Variants in OSBPL1A observed in about 807,000 individuals in gnomAD.
OSBPL1A encodes oxysterol-binding protein-related protein 1.
A neutral mutation model predicts 137.1 loss-of-function variants in OSBPL1A; 80 were observed. The observed-to-expected ratio is 0.58, with a 90% CI of 0.49 to 0.70. The LOEUF (loss-of-function observed/expected upper bound fraction) is 0.70. Among genes scored for constraint, OSBPL1A ranks in the 30% least tolerant of loss-of-function variants. OSBPL1A has a pLI of 0.00. For synonymous variants in OSBPL1A, 365 were observed against 389.7 expected (o/e 0.94, Z 0.75); for missense variants, 970 against 1,129.4 (o/e 0.86, Z 2.02).
intron 16 of OSBPL1A, among the ~76,000 whole-genome samples, chr18:24,225,434 C>T (rs45561436): frequency 0.12 from 18,189 of 152,176 alleles, 2,293 homozygotes; most frequent in African/African-American, 0.32. Flanking sequence ...AAACAGATCT[C>T]ACATAGTAAA....
At chr18:24,394,062 G>A (rs1268929044) in intron 1 of OSBPL1A, among the ~76,000 whole-genome samples, 2 of 151,982 alleles carry the variant, frequency 1.3e-5, no homozygotes, top group African/African-American at 4.8e-5. Flanking sequence ...AAGTTTTTGT[G>A]CCCTAATAAA....
chr18:24,317,072 G>A, intron 11 of OSBPL1A, 77 bp downstream of exon 11: 1 of 1,413,796 alleles, frequency 7.1e-7, no homozygotes, highest in Non-Finnish European at 1.0e-6. Flanking sequence ...TTACAAGGCT[G>A]TATAAATGAT....
intron 11 of OSBPL1A, 32 bp downstream of exon 11, chr18:24,317,113 CAGTT>C: frequency 6.2e-7 from 1 of 1,607,542 alleles, no homozygotes; most frequent in Non-Finnish European, 8.5e-7. Context: ...ACTGATTTCA[CAGTT>C]AGAGGAGCAA....
intron 14 of OSBPL1A, among the ~76,000 whole-genome samples, chr18:24,302,236 G>GAAAAA (rs368812387): frequency 9.4e-6 from 1 of 106,412 alleles, no homozygotes; most frequent in African/African-American, 3.3e-5. Flanking sequence ...TCCATCTCAA[G>GAAAAA]AAAAAAAAAA....
At chr18:24,261,193 T>C (rs1390332744) in intron 15 of OSBPL1A, among the ~76,000 whole-genome samples, 3 of 152,140 alleles carry the variant, frequency 2.0e-5, no homozygotes, top group African/African-American at 7.2e-5. Context: ...CTATAAAATT[T>C]TAGAAAATTC....
intron 17 of OSBPL1A, among the ~76,000 whole-genome samples, chr18:24,203,491 C>A (rs969005544): frequency 6.6e-6 from 1 of 152,206 alleles, no homozygotes; most frequent in African/African-American, 2.4e-5. Flanking sequence ...CAAGGACACT[C>A]CCCTTCACAT....
intron 16 of OSBPL1A, among the ~76,000 whole-genome samples, chr18:24,235,065 G>A (rs1020497706): frequency 3.9e-5 from 6 of 152,130 alleles, no homozygotes; most frequent in Admixed American, 3.3e-4. Context: ...TTGAAGGTCC[G>A]TGAAGGCATC....
chr18:24,217,564 C>G (rs983360381), intron 17 of OSBPL1A, among the ~76,000 whole-genome samples: 1 of 152,100 alleles, frequency 6.6e-6, no homozygotes, highest in African/African-American at 2.4e-5. Flanking sequence ...GTCAGAAGCT[C>G]TTCTTTATAG....
intron 14 of OSBPL1A, among the ~76,000 whole-genome samples, chr18:24,288,446 T>C (rs956025638): frequency 2.6e-5 from 4 of 152,180 alleles, no homozygotes; most frequent in African/African-American, 7.2e-5. Flanking sequence ...CTGTGGAATA[T>C]TCCATGGAGG....
At chr18:24,381,556 C>G (rs1906589457) in intron 1 of OSBPL1A, among the ~76,000 whole-genome samples, 1 of 152,176 alleles carries the variant, frequency 6.6e-6, no homozygotes, top group Admixed American at 6.5e-5. Context: ...CTTCAGTTTG[C>G]TAATCAGCTT....
At chr18:24,247,409 C>T (rs2088930205) in intron 15 of OSBPL1A, among the ~76,000 whole-genome samples, 1 of 152,142 alleles carries the variant, frequency 6.6e-6, no homozygotes, top group African/African-American at 2.4e-5. Context: ...CCCTATGGGT[C>T]AAGAGAGATA....
rs190175265 is a variant in OSBPL1A at position 24,235,343 on chromosome 18, G to T, written c.1444+3877C>A. On this transcript the variant is annotated intron_variant, in intron 16 of 27. Transcript: ENST00000319481. Reference sequence around the variant, plus strand: ...ACAAATATGTATTAGTTAATTCTTTGCAATGATCCTATGACCCATTTGCAG... The same window carrying T: ...ACAAATATGTATTAGTTAATTCTTTTCAATGATCCTATGACCCATTTGCAG... Among the ~76,000 whole-genome samples, 113 of 152,284 alleles carry T rather than the reference G, an allele frequency of 7.4e-4. 2 individuals are homozygous for T. The highest frequency in any genetic ancestry group is 2.5e-3 in the African/African-American group (103 of 41,568).
At chr18:24,387,603 T>C (rs545859140) in intron 1 of OSBPL1A, among the ~76,000 whole-genome samples, 1 of 152,174 alleles carries the variant, frequency 6.6e-6, no homozygotes, top group Non-Finnish European at 1.5e-5. Flanking sequence ...TTTAAAGAGA[T>C]GGGGACTCGC....
chr18:24,232,132 T>C (rs1360202603), intron 16 of OSBPL1A, among the ~76,000 whole-genome samples: 5 of 152,198 alleles, frequency 3.3e-5, no homozygotes, highest in Non-Finnish European at 5.9e-5. Context: ...AAAATATCAG[T>C]GCCAAATTTT....
intron 5 of OSBPL1A, among the ~76,000 whole-genome samples, chr18:24,338,239 A>ATT (rs71375134): frequency 0.14 from 20,422 of 143,142 alleles, 1,900 homozygotes; most frequent in Non-Finnish European, 0.21. Context: ...TGCCTGGCTA[A>ATT]TTTTTTTTTT....
At position 24,299,090 on chromosome 18, in the gene OSBPL1A, C is replaced by T. The variant is rs573341676; in HGVS notation, c.1174+4547G>A. On this transcript the variant is annotated intron_variant, in intron 14 of 27. Coordinates refer to ENST00000319481, the MANE Select transcript of OSBPL1A (RefSeq NM_080597.4). ...TTCATTTGCATGGAATATCTTTTTC[C>T]ACCCCTTTACCTTGAGTTTATATGA... 1.3e-4 allele frequency among the ~76,000 whole-genome samples: 20 copies of T among 152,174 alleles called. No homozygotes were observed. In the East Asian group the frequency reaches 2.7e-3, roughly 21 times the overall value.
intron 17 of OSBPL1A, among the ~76,000 whole-genome samples, chr18:24,223,392 T>C (rs2087957324): frequency 6.6e-6 from 1 of 152,160 alleles, no homozygotes; most frequent in Non-Finnish European, 1.5e-5. Context: ...CATATTACAC[T>C]GCTGACAATT....
intron 1 of OSBPL1A, among the ~76,000 whole-genome samples, chr18:24,377,971 G>A (rs1389133946): frequency 1.3e-5 from 2 of 152,158 alleles, no homozygotes; most frequent in Non-Finnish European, 2.9e-5. Flanking sequence ...TAGGAATAGT[G>A]TAAGACTAAC....
chr18:24,327,235 G>C (rs1321664239), intron 7 of OSBPL1A, among the ~76,000 whole-genome samples: 2 of 151,002 alleles, frequency 1.3e-5, no homozygotes, highest in Non-Finnish European at 2.9e-5. Context: ...AGCCTCCTAA[G>C]TAACTGGGAT....
Sources: allele counts gnomAD v4.1 joint callset (sites outside exome capture counted in the v4.1 genomes callset), GRCh38; gene constraint gnomAD v4.1.1; transcripts MANE v1.5; gene names NCBI Gene and HGNC (gene_info 2026-07-23, HGNC 2026-07-21).